The following QTMAN variants were observed in gnomAD, a reference collection of about 807,000 sequenced individuals.
QTMAN encodes queuosine-tRNA mannosyltransferase.
chr2:144,137,135 A>G, the QTMAN span, among the ~76,000 whole-genome samples: 22 of 152,216 alleles, frequency 1.4e-4, no homozygotes, highest in Non-Finnish European at 2.9e-4. Context: ...GCTCATGCAC[A>G]TCTTAAAGTA....
At chr2:144,166,299 G>A in the QTMAN span, among the ~76,000 whole-genome samples, 4 of 152,078 alleles carry the variant, frequency 2.6e-5, no homozygotes, top group East Asian at 1.9e-4. Flanking sequence ...TTTAAGAATC[G>A]GTTGTCATTA....
the QTMAN span, among the ~76,000 whole-genome samples, chr2:144,282,799 T>C: frequency 2.0e-5 from 3 of 152,278 alleles, no homozygotes; most frequent in East Asian, 3.9e-4. Flanking sequence ...AAGCCGTGAT[T>C]AGAAGCTTGG....
chr2:144,142,550 C>T, the QTMAN span, among the ~76,000 whole-genome samples: 198 of 151,818 alleles, frequency 1.3e-3, no homozygotes, highest in Non-Finnish European at 2.2e-3. Flanking sequence ...ACGATACCTT[C>T]GGCACTATTT....
chr2:144,165,596 T>C, the QTMAN span, among the ~76,000 whole-genome samples: 1 of 152,174 alleles, frequency 6.6e-6, no homozygotes, highest in Non-Finnish European at 1.5e-5. Flanking sequence ...CCTAGACTTC[T>C]CACCCAACCT....
the QTMAN span, among the ~76,000 whole-genome samples, chr2:143,954,599 A>G: frequency 6.6e-6 from 1 of 152,030 alleles, no homozygotes; most frequent in African/African-American, 2.4e-5. Flanking sequence ...AGTCATGGTT[A>G]TATTTCTAAT....
the QTMAN span, among the ~76,000 whole-genome samples, chr2:144,126,981 C>G: frequency 6.9e-4 from 105 of 152,030 alleles, no homozygotes; most frequent in African/African-American, 2.4e-3. Flanking sequence ...TTTTTTCTGA[C>G]AAATACATCT....
At chr2:144,004,536 C>T in the QTMAN span, among the ~76,000 whole-genome samples, 2 of 151,938 alleles carry the variant, frequency 1.3e-5, no homozygotes, top group South Asian at 4.2e-4. Flanking sequence ...CAGCTCACAA[C>T]ATTTGCATAA....
chr2:144,266,402 A>G, the QTMAN span, among the ~76,000 whole-genome samples: 1 of 152,206 alleles, frequency 6.6e-6, no homozygotes, highest in Non-Finnish European at 1.5e-5. Context: ...CTTAATGACT[A>G]GCAAGTTATT....
chr2:144,319,571 A>G, the QTMAN span: 1 of 151,994 alleles, frequency 6.6e-6, no homozygotes, highest in African/African-American at 2.4e-5. Flanking sequence ...ATATATATAT[A>G]TATTTTTAGT....
the QTMAN span, among the ~76,000 whole-genome samples, chr2:144,086,887 T>C: frequency 1.3e-5 from 2 of 152,102 alleles, no homozygotes; most frequent in African/African-American, 4.8e-5. Flanking sequence ...AGACACTATA[T>C]CTATGGGAAA....
the QTMAN span, among the ~76,000 whole-genome samples, chr2:144,297,602 A>T: frequency 1.4e-4 from 17 of 125,564 alleles, no homozygotes; most frequent in Non-Finnish European, 2.6e-4. Context: ...TTTTTTTGAG[A>T]CAGAGTCTCT....
the QTMAN span, among the ~76,000 whole-genome samples, chr2:144,304,466 AAAG>A: frequency 2.0e-5 from 3 of 152,204 alleles, no homozygotes; most frequent in African/African-American, 4.8e-5. Flanking sequence ...CCAGACATAC[AAAG>A]AAGAAAAATG....
the QTMAN span, among the ~76,000 whole-genome samples, chr2:144,206,506 T>C: frequency 6.6e-6 from 1 of 152,210 alleles, no homozygotes; most frequent in Admixed American, 6.5e-5. Flanking sequence ...AAGTTATCAT[T>C]GCTCAAATAT....
the QTMAN span, among the ~76,000 whole-genome samples, chr2:144,103,324 C>T: frequency 2.6e-5 from 4 of 152,214 alleles, no homozygotes; most frequent in Non-Finnish European, 4.4e-5. Flanking sequence ...GAGGGAGGAT[C>T]GCCATGTGAA....
the QTMAN span, among the ~76,000 whole-genome samples, chr2:144,291,371 A>G: frequency 4.6e-5 from 7 of 152,316 alleles, no homozygotes; most frequent in South Asian, 8.3e-4. Context: ...ACTTTGTACA[A>G]ATGGACAACA....
the QTMAN span, among the ~76,000 whole-genome samples, chr2:144,024,303 T>G: frequency 2.0e-5 from 3 of 152,232 alleles, no homozygotes; most frequent in Non-Finnish European, 4.4e-5. Context: ...TCAACTCTGT[T>G]GTCTAGCAGG....
chr2:144,068,930 T>G, the QTMAN span, among the ~76,000 whole-genome samples: 1 of 152,312 alleles, frequency 6.6e-6, no homozygotes, highest in Non-Finnish European at 1.5e-5. Context: ...AATGGCATAT[T>G]ATCGCCCTTT....
chr2:144,125,730 A>C, the QTMAN span, among the ~76,000 whole-genome samples: 3 of 152,124 alleles, frequency 2.0e-5, no homozygotes, highest in Admixed American at 1.3e-4. Flanking sequence ...ATTTCATGAA[A>C]AACCATAAAA....
chr2:144,224,433 A>G, the QTMAN span, among the ~76,000 whole-genome samples: 3 of 152,368 alleles, frequency 2.0e-5, no homozygotes, highest in East Asian at 3.9e-4. Flanking sequence ...GTAACAAAGC[A>G]AATGGGACTC....
Sources: gnomAD v4.1 joint callset for allele counts (sites outside exome capture counted in the v4.1 genomes callset) on GRCh38, gnomAD v4.1.1 for gene constraint, MANE v1.5 for transcripts, NCBI Gene and HGNC (gene_info 2026-07-23, HGNC 2026-07-21) for gene names.